TIAM1: variants seen among roughly 807,000 people sequenced by gnomAD.
TIAM1 encodes rho guanine nucleotide exchange factor TIAM1.
Under a neutral mutation model 163.5 loss-of-function variants are expected in TIAM1, and 65 were observed. That is an observed-to-expected ratio of 0.40 (90% CI 0.33 to 0.49). The LOEUF is 0.49. Among genes scored for constraint, TIAM1 ranks in the 20% least tolerant of loss-of-function variants. TIAM1 has a pLI of 0.77. For synonymous variants in TIAM1, 833 were observed against 810.1 expected, an observed-to-expected ratio of 1.03 and a Z score of -0.48; for missense variants, 1,789 against 2,044.7, an observed-to-expected ratio of 0.87 and a Z score of 2.41.
At chr21:31,273,581 C>A (rs1049371767) in intron 3 of TIAM1, among the ~76,000 whole-genome samples, 2 of 152,330 alleles carry the variant, frequency 1.3e-5, no homozygotes, top group East Asian at 1.9e-4. Flanking sequence ...ACAGCACTTA[C>A]AATCTGAACC....
intron 3 of TIAM1, among the ~76,000 whole-genome samples, chr21:31,269,473 C>T (rs1427556073): frequency 6.6e-6 from 1 of 152,114 alleles, no homozygotes; most frequent in East Asian, 1.9e-4. Context: ...TGCTGAAACA[C>T]CCTTCAATTT....
intron 4 of TIAM1, among the ~76,000 whole-genome samples, chr21:31,263,046 G>A (rs2072564652): frequency 6.6e-6 from 1 of 152,196 alleles, no homozygotes; most frequent in Admixed American, 6.5e-5. Context: ...TCAAGAAATA[G>A]CGTTGGATGA....
chr21:31,539,270 CTT>C (rs59981509), intron 1 of TIAM1, among the ~76,000 whole-genome samples: 4 of 144,332 alleles, frequency 2.8e-5, no homozygotes, highest in Admixed American at 6.9e-5. Context: ...ATGGGTTACT[CTT>C]TTTTTTTTTT....
At chr21:31,294,108 AG>A (rs2074137856) in intron 2 of TIAM1, among the ~76,000 whole-genome samples, 1 of 152,194 alleles carries the variant, frequency 6.6e-6, no homozygotes, top group Non-Finnish European at 1.5e-5. Context: ...GGGTGTCCCC[AG>A]CAAGTCCTCA....
intron 12 of TIAM1, among the ~76,000 whole-genome samples, chr21:31,198,224 G>A (rs940041578): frequency 6.6e-6 from 1 of 152,208 alleles, no homozygotes; most frequent in Non-Finnish European, 1.5e-5. Context: ...GTAGAAAAGA[G>A]TGGCCAGTTT....
chr21:31,374,775 T>C (rs1000724061), intron 2 of TIAM1, among the ~76,000 whole-genome samples: 1 of 152,260 alleles, frequency 6.6e-6, no homozygotes, highest in Non-Finnish European at 1.5e-5. Flanking sequence ...ATTCAGCTTC[T>C]AGGACCAAAG....
At chr21:31,181,753 CTTCTTTTTTTTTTTTTTTTT>C (rs2085028696) in intron 15 of TIAM1, among the ~76,000 whole-genome samples, 14 of 39,440 alleles carry the variant, frequency 3.5e-4, no homozygotes, top group African/African-American at 9.9e-4. Flanking sequence ...TCTTCTTCTT[CTTCTTTTTTTTTTTTTTTTT>C]TTTTTTTTTT....
intron 2 of TIAM1, among the ~76,000 whole-genome samples, chr21:31,375,170 C>G (rs2076662425): frequency 6.6e-6 from 1 of 152,104 alleles, no homozygotes; most frequent in South Asian, 2.1e-4. Flanking sequence ...AAGAAACATC[C>G]AGTATGCGGT....
At chr21:31,197,554 T>A (rs1191333150) in intron 12 of TIAM1, among the ~76,000 whole-genome samples, 1 of 149,232 alleles carries the variant, frequency 6.7e-6, no homozygotes, top group Non-Finnish European at 1.5e-5. Context: ...TTTTTTTTTT[T>A]GTATTTTTAG....
chr21:31,154,112 G>T, intron 17 of TIAM1, 135 bp downstream of exon 17: 1 of 1,018,482 alleles, frequency 9.8e-7, no homozygotes, highest in Non-Finnish European at 1.4e-6. Context: ...TCAGAGTATA[G>T]GCAAAATTCC....
intron 2 of TIAM1, among the ~76,000 whole-genome samples, chr21:31,435,056 A>G (rs1290055668): frequency 6.6e-6 from 1 of 152,246 alleles, no homozygotes; most frequent in Non-Finnish European, 1.5e-5. Flanking sequence ...GGTACTGAGC[A>G]GATTCTTGGC....
At chr21:31,129,552 T>C (rs890611946) in intron 25 of TIAM1, among the ~76,000 whole-genome samples, 14 of 152,312 alleles carry the variant, frequency 9.2e-5, no homozygotes, top group African/African-American at 3.1e-4. Flanking sequence ...TGCTGGCACA[T>C]GCCTGTAGTC....
chr21:31,557,441 C>A (rs868219766), intron 1 of TIAM1, among the ~76,000 whole-genome samples: 1 of 152,164 alleles, frequency 6.6e-6, no homozygotes, highest in Non-Finnish European at 1.5e-5. Context: ...AGCCCCGCCC[C>A]CCTAGAGGTT....
At chr21:31,253,058 CG>C (rs1601712445) in intron 4 of TIAM1, among the ~76,000 whole-genome samples, 1 of 152,224 alleles carries the variant, frequency 6.6e-6, no homozygotes, top group African/African-American at 2.4e-5. Context: ...TGAACATTTC[CG>C]GGACAGACAG....
At chr21:31,314,699 C>T (rs939727517) in intron 2 of TIAM1, among the ~76,000 whole-genome samples, 1 of 152,212 alleles carries the variant, frequency 6.6e-6, no homozygotes, top group African/African-American at 2.4e-5. Context: ...AAAGCGCTAC[C>T]CAGACGGAAA....
intron 2 of TIAM1, among the ~76,000 whole-genome samples, chr21:31,387,646 G>C (rs2147188338): frequency 6.7e-6 from 1 of 150,294 alleles, no homozygotes; most frequent in Non-Finnish European, 1.5e-5. Flanking sequence ...GGAAGACCAA[G>C]GACTTCTCTC....
chr21:31,230,456 C>A (rs1268746443), intron 6 of TIAM1, among the ~76,000 whole-genome samples: 1 of 151,894 alleles, frequency 6.6e-6, no homozygotes, highest in Admixed American at 6.6e-5. Flanking sequence ...ATATGACATA[C>A]TGATCCTGAC....
intron 2 of TIAM1, among the ~76,000 whole-genome samples, chr21:31,355,950 C>G (rs928938229): frequency 5.3e-5 from 8 of 152,168 alleles, no homozygotes; most frequent in African/African-American, 1.9e-4. Context: ...AGAGCAGGCA[C>G]TTTTATCCAT....
intron 2 of TIAM1, among the ~76,000 whole-genome samples, chr21:31,299,104 C>A (rs2074406539): frequency 6.6e-6 from 1 of 152,176 alleles, no homozygotes; most frequent in East Asian, 1.9e-4. Context: ...AATTTCTAAT[C>A]ATGGGTTTCT....
Sources: allele counts gnomAD v4.1 joint callset (sites outside exome capture counted in the v4.1 genomes callset), GRCh38; gene constraint gnomAD v4.1.1; transcripts MANE v1.5; gene names NCBI Gene and HGNC (gene_info 2026-07-23, HGNC 2026-07-21).